PLEKHA8: variants seen among roughly 807,000 people sequenced by gnomAD.
The protein encoded by PLEKHA8 is pleckstrin homology domain-containing family A member 8.
PLEKHA8 carries 36 observed loss-of-function variants against 68.2 expected under a neutral mutation model. The observed-to-expected ratio is 0.53, with a 90% CI of 0.40 to 0.70. The LOEUF is 0.70. PLEKHA8 is among the 30% of genes least tolerant of loss of function. The probability of loss-of-function intolerance (pLI) is 0.00; values close to 1 mark genes in which losing one functional copy is unlikely to be tolerated. For missense variants in PLEKHA8, 505 were observed against 615.4 expected (o/e 0.82, Z 1.90); for synonymous variants, 211 against 216.1 (o/e 0.98, Z 0.20).
chr7:30,080,645 C>T lies in PLEKHA8; in HGVS notation c.*1858C>T. The T allele has an allele frequency of 1.0e-6, 1 of 985,250 alleles. No homozygotes were observed. The allele number at this position is 985,250 out of a possible 1,614,324, so 61.0% of individuals were successfully genotyped here. A position where few individuals can be genotyped will look rare whatever the true frequency, so the allele number is the denominator to read the frequency against. On this transcript the variant is annotated 3_prime_UTR_variant, in exon 14 of 14. Coordinates refer to ENST00000449726, the MANE Select transcript of PLEKHA8 (RefSeq NM_001197026.2). ...ACTTAAACTTGAAAAATCAACATCA[C>T]ATGTTTTAAAGCTAGGGAGAAAGAA... is the stretch of plus-strand genomic sequence containing the variant.
intron 13 of PLEKHA8, among the ~76,000 whole-genome samples, chr7:30,102,394 G>A (rs778181564): frequency 2.0e-5 from 3 of 152,204 alleles, no homozygotes; most frequent in Non-Finnish European, 4.4e-5. Context: ...ATAGAATTAC[G>A]TTATGATCCA....
chr7:30,116,127 T>C (rs1051540825), intron 13 of PLEKHA8: 2 of 150,538 alleles, frequency 1.3e-5, no homozygotes, highest in African/African-American at 4.9e-5. Flanking sequence ...TATACATGTG[T>C]ATACATATGT....
chr7:30,034,977 T>C (rs904653163), intron 1 of PLEKHA8, among the ~76,000 whole-genome samples: 3 of 152,358 alleles, frequency 2.0e-5, no homozygotes, highest in Non-Finnish European at 2.9e-5. Flanking sequence ...AAATAGTTTT[T>C]AGTGCTTACA....
chr7:30,116,216 A>G (rs1214104447), intron 13 of PLEKHA8, among the ~76,000 whole-genome samples: 1 of 151,374 alleles, frequency 6.6e-6, no homozygotes, highest in African/African-American at 2.4e-5. Context: ...ATGTATACAT[A>G]TGTATATACG....
Position 30,080,739 on chromosome 7 carries a change from C to G in PLEKHA8, c.*1952C>G. On this transcript the variant is annotated 3_prime_UTR_variant, in exon 14 of 14. Transcript: ENST00000449726. ...GTGTGTGTGTGTTATTTCCCTCCCA[C>G]TCTCATGAGCAGTGAGTATAGATCT... The G allele has an allele frequency of 1.0e-6, 1 of 985,326 alleles. No homozygotes were observed. The highest frequency in any genetic ancestry group is 4.7e-5 in the South Asian group (1 of 21,278). 61.0% of individuals were successfully genotyped at this position (985,326 alleles called of 1,614,324 possible). A position where few individuals can be genotyped will look rare whatever the true frequency, so the allele number is the denominator to read the frequency against.
chr7:30,108,625 G>C (rs1461898954), intron 13 of PLEKHA8, among the ~76,000 whole-genome samples: 3 of 152,100 alleles, frequency 2.0e-5, no homozygotes. Context: ...AGAAACTGCA[G>C]TTTGTCTATG....
At chr7:30,096,185 T>A (rs1018332684) in intron 13 of PLEKHA8, among the ~76,000 whole-genome samples, 2 of 152,214 alleles carry the variant, frequency 1.3e-5, no homozygotes, top group African/African-American at 4.8e-5. Context: ...TTCGTTTGTA[T>A]CCTCTTTTAT....
Position 30,080,811 on chromosome 7 carries a change from C to T in PLEKHA8, c.*2024C>T, listed in dbSNP as rs1174300748. The T allele has an allele frequency of 3.0e-6, 3 of 985,160 alleles. No homozygotes were observed. The highest frequency in any genetic ancestry group is 3.6e-6 in the Non-Finnish European group (3 of 829,922). 61.0% of individuals were successfully genotyped at this position (985,160 alleles called of 1,614,324 possible). The stretch of plus-strand genomic sequence containing the variant: ...ATGATGGCAGGACTCGGGGATAGTC[C>T]CTGCCCTTGACATAGCCCCCTAAAA... On this transcript the variant is annotated 3_prime_UTR_variant, in exon 14 of 14. Transcript: ENST00000449726.
At chr7:30,086,357 C>T (rs1192089348), downstream of PLEKHA8, among the ~76,000 whole-genome samples, 1 of 152,236 alleles carries the variant, frequency 6.6e-6, no homozygotes, top group Non-Finnish European at 1.5e-5. Flanking sequence ...TAAGGACCAG[C>T]TATCTACCTC....
chr7:30,069,027 C>G (rs1257651484), intron 12 of PLEKHA8, among the ~76,000 whole-genome samples: 1 of 151,016 alleles, frequency 6.6e-6, no homozygotes, highest in African/African-American at 2.4e-5. Context: ...AGAGAGAGAT[C>G]TGTTCTAGAC....
intron 12 of PLEKHA8, chr7:30,090,007 TAGG>T: frequency 1.4e-6 from 1 of 698,896 alleles, no homozygotes; most frequent in Non-Finnish European, 2.3e-6. Context: ...AGGATAAATG[TAGG>T]AGTATCGAGA....
chr7:30,049,307 T>G lies in PLEKHA8; in HGVS notation c.522T>G (p.Asn174Lys). 1 of 1,614,114 alleles carries G rather than the reference T, an allele frequency of 6.2e-7. No individual in the cohort carries two copies. Among genetic ancestry groups the G allele is most frequent in the Non-Finnish European group, 8.5e-7 (1 of 1,180,018 alleles). ...TGGAAGAATGCATGCAGATCGCAAA[T>G]GCAGCCTTCACCTCTGAGCTGCTCT... ...KTLEECMQIA[N>K]AAFTSELLYR... Residue 174 changes from asparagine to lysine, a missense_variant, in exon 5 of 14, where the codon AAT becomes AAG. Coordinates refer to ENST00000449726, the MANE Select transcript of PLEKHA8 (RefSeq NM_001197026.2).
In PLEKHA8 at chr7:30,067,778, A is replaced by G. The variant is rs182309871; in HGVS notation, c.1300+5036A>G. Among the ~76,000 whole-genome samples, 26 of 152,302 alleles carry G rather than the reference A, an allele frequency of 1.7e-4. No individual in the cohort carries two copies. The East Asian group carries it at 3.9e-3, about 23-fold the overall frequency. ...CACTCAGTATTTTCAGACTTTAGCC[A>G]CTGTTGAAGTGGCTTGTAGTCCTGG... On this transcript the variant is annotated intron_variant, in intron 12 of 13. Coordinates refer to ENST00000449726, the MANE Select transcript of PLEKHA8 (RefSeq NM_001197026.2).
intron 9 of PLEKHA8, among the ~76,000 whole-genome samples, chr7:30,056,326 A>ATATATAT (rs1554385066): frequency 8.4e-5 from 11 of 131,614 alleles, no homozygotes; most frequent in South Asian, 7.0e-4. Context: ...ATATATATAT[A>ATATATAT]TATATAAATA....
Position 30,082,447 on chromosome 7 carries a change from C to G in PLEKHA8, c.*3660C>G, listed in dbSNP as rs1027149258. 14 of 985,366 alleles carry G rather than the reference C, an allele frequency of 1.4e-5. No homozygotes were observed. Among genetic ancestry groups the G allele is most frequent in the African/African-American group, 8.7e-5 (5 of 57,336 alleles). 61.0% of individuals were successfully genotyped at this position (985,366 alleles called of 1,614,324 possible). A position where few individuals can be genotyped will look rare whatever the true frequency, so the allele number is the denominator to read the frequency against. On this transcript the variant is annotated 3_prime_UTR_variant, in exon 14 of 14. Transcript: ENST00000449726. ...AGTGGGGATTCTGTTCCCCCACCCC[C>G]CAGACTGCAAGAGCTTCTTAAGAAG...
rs1386461620 is a variant in PLEKHA8 at position 30,030,717 on chromosome 7, T to A, written c.40+1915T>A. The stretch of plus-strand genomic sequence containing the variant: ...TTTCCAGATATACATAGAATGATGG[T>A]TCGGCATATTCTCTCCTTTTAGGAG... On this transcript the variant is annotated intron_variant, in intron 1 of 13. Transcript: ENST00000449726. Among the ~76,000 whole-genome samples, 3 of 152,324 alleles carry A rather than the reference T, an allele frequency of 2.0e-5. 1 individual carries two copies. In the South Asian group the frequency reaches 6.2e-4, roughly 32 times the overall value.
chr7:30,063,711 T>C (rs1240580817), intron 12 of PLEKHA8, among the ~76,000 whole-genome samples: 1 of 152,186 alleles, frequency 6.6e-6, no homozygotes, highest in East Asian at 1.9e-4. Context: ...AGAGCTGACA[T>C]TTCTATAGCA....
chr7:30,037,003 C>T (rs1438739369), intron 1 of PLEKHA8, among the ~76,000 whole-genome samples: 1 of 152,158 alleles, frequency 6.6e-6, no homozygotes, highest in Non-Finnish European at 1.5e-5. Flanking sequence ...CTGGAACTCC[C>T]CTAGAGAAGC....
rs1402785327 is a variant in PLEKHA8 at position 30,117,971 on chromosome 7, GAC to G, written c.1363-11289_1363-11288del. On this transcript the variant is annotated intron_variant, in intron 13 of 13. Coordinates refer to the PLEKHA8 transcript ENST00000396257. ...GAGACGTGGATTCATTTCTAACAGG[GAC>G]ACACAAATGTCTGATGGTGGCCCAG... The G allele has an allele frequency of 2.0e-6, 3 of 1,530,400 alleles. No individual in the cohort carries two copies. The African/African-American group carries it at 4.1e-5, about 21-fold the overall frequency. The allele number at this position is 1,530,400 out of a possible 1,614,324, so 94.8% of individuals were successfully genotyped here. A position where few individuals can be genotyped will look rare whatever the true frequency, so the allele number is the denominator to read the frequency against.
Sources: gnomAD v4.1 joint callset for allele counts (sites outside exome capture counted in the v4.1 genomes callset) on GRCh38, gnomAD v4.1.1 for gene constraint, MANE v1.5 for transcripts, NCBI Gene and HGNC (gene_info 2026-07-23, HGNC 2026-07-21) for gene names.